EDA: variants seen among roughly 807,000 people sequenced by gnomAD.
The protein encoded by EDA is ectodysplasin-A.
A neutral mutation model predicts 23.6 loss-of-function variants in EDA; 2 were observed. That is an observed-to-expected ratio of 0.08 (90% confidence interval 0.03 to 0.27). The LOEUF (loss-of-function observed/expected upper bound fraction) is 0.27, where lower values mean the gene tolerates loss of function less well. EDA is among the 10% of genes least tolerant of loss of function. EDA has a pLI of 1.00. For synonymous variants in EDA, 131 were observed against 132.0 expected, an observed-to-expected ratio of 0.99 and a Z score of 0.05; for missense variants, 229 against 324.2, an observed-to-expected ratio of 0.71 and a Z score of 2.26.
chrX:69,617,091 A>G (rs1431228161), intron 1 of EDA: 1 of 316,478 alleles, frequency 3.2e-6, no homozygotes. Context: ...TCTAGAGCTG[A>G]TGCCAGAACC....
intron 1 of EDA, among the ~76,000 whole-genome samples, chrX:69,701,595 C>T (rs1324717889): frequency 9.0e-6 from 1 of 111,630 alleles, no homozygotes; most frequent in Admixed American, 9.5e-5. Flanking sequence ...TGAGGGCCAC[C>T]GTCAAGCTTC....
At chrX:69,788,470 G>T (rs2015277392) in intron 1 of EDA, among the ~76,000 whole-genome samples, 1 of 111,833 alleles carries the variant, frequency 8.9e-6, no homozygotes, top group South Asian at 3.7e-4. Flanking sequence ...ATGGGTTTTT[G>T]GTGTGGCTGT....
intron 1 of EDA, among the ~76,000 whole-genome samples, chrX:69,733,649 G>T (rs1347478223): frequency 9.0e-6 from 1 of 111,539 alleles, no homozygotes; most frequent in Non-Finnish European, 1.9e-5. Context: ...AAAGTCATTG[G>T]TAACTTGATG....
chrX:69,703,518 T>A (rs764194266), intron 1 of EDA, among the ~76,000 whole-genome samples: 2 of 112,484 alleles, frequency 1.8e-5, no homozygotes, highest in East Asian at 5.6e-4. Flanking sequence ...AGCAATACGC[T>A]GTTTTAATGA....
chrX:69,636,510 C>T (rs1340275253), intron 1 of EDA, among the ~76,000 whole-genome samples: 1 of 109,863 alleles, frequency 9.1e-6, no homozygotes, highest in Non-Finnish European at 1.9e-5. Flanking sequence ...ACTTGTCTAC[C>T]TTATCTAGTA....
intron 1 of EDA, among the ~76,000 whole-genome samples, chrX:69,941,047 A>G (rs996557749): frequency 4.5e-5 from 5 of 111,503 alleles, no homozygotes; most frequent in African/African-American, 1.6e-4. Context: ...ATTCAGGAGT[A>G]TATTGTTTAA....
chrX:69,948,509 C>T (rs1435173644), intron 1 of EDA, among the ~76,000 whole-genome samples: 1 of 111,823 alleles, frequency 8.9e-6, no homozygotes, highest in Admixed American at 9.4e-5. Flanking sequence ...GCTGCCACCA[C>T]CACCCCCACC....
chrX:69,624,891 C>A (rs1281322360), intron 1 of EDA, among the ~76,000 whole-genome samples: 1 of 109,725 alleles, frequency 9.1e-6, no homozygotes, highest in Non-Finnish European at 1.9e-5. Flanking sequence ...TTTTATCCTG[C>A]ATTTTGGCTT....
rs939029125 is a variant in EDA, at chrX:69,803,989, T to C, written c.397-153038T>C. ...CCATGTTGCCACAAATGACAGGATT[T>C]TCATTCTTTTTTATGGATGAGTAGT... is the stretch of plus-strand genomic sequence containing the variant. On this transcript the variant is annotated intron_variant, in intron 1 of 7. Coordinates refer to ENST00000374552, the MANE Select transcript of EDA (RefSeq NM_001399.5). Among the ~76,000 whole-genome samples the C allele has an allele frequency of 4.5e-5, 5 of 111,159 alleles. No homozygotes were observed. In the Admixed American group the frequency reaches 4.8e-4, roughly 11 times the overall value.
At chrX:69,676,894 T>A (rs1934108928) in intron 1 of EDA, among the ~76,000 whole-genome samples, 1 of 107,262 alleles carries the variant, frequency 9.3e-6, no homozygotes, top group Non-Finnish European at 1.9e-5. Flanking sequence ...TAGTTACATA[T>A]GTATACATGT....
intron 1 of EDA, among the ~76,000 whole-genome samples, chrX:69,748,954 A>T (rs1030170349): frequency 9.1e-6 from 1 of 110,171 alleles, no homozygotes; most frequent in Non-Finnish European, 1.9e-5. Flanking sequence ...TTTTTTAATT[A>T]TACTTTAAGT....
intron 1 of EDA, among the ~76,000 whole-genome samples, chrX:69,741,364 T>C (rs751502725): frequency 8.9e-6 from 1 of 111,767 alleles, no homozygotes; most frequent in South Asian, 3.8e-4. Flanking sequence ...GATTTGTTGT[T>C]ATTGTTTGCT....
chrX:69,764,495 TC>T (rs1287725078), intron 1 of EDA, among the ~76,000 whole-genome samples: 1 of 108,879 alleles, frequency 9.2e-6, no homozygotes, highest in African/African-American at 3.3e-5. Context: ...CACCCGCCTC[TC>T]CCTCCCAAAG....
intron 1 of EDA, among the ~76,000 whole-genome samples, chrX:69,703,415 C>T (rs146058686): frequency 0.014 from 1,554 of 111,924 alleles, 20 homozygotes; most frequent in African/African-American, 0.046. Context: ...GGACATACAC[C>T]GGAGCCCCTC....
intron 1 of EDA, among the ~76,000 whole-genome samples, chrX:69,712,135 GC>G (rs779930688): frequency 5.4e-4 from 60 of 110,375 alleles, no homozygotes; most frequent in African/African-American, 1.5e-3. Context: ...GGCATTTAGT[GC>G]TGTAAATTTC....
chrX:69,856,039 AC>A (rs1180218512), intron 1 of EDA, among the ~76,000 whole-genome samples: 1 of 108,772 alleles, frequency 9.2e-6, no homozygotes, highest in African/African-American at 3.4e-5. Context: ...TTTATCCCTC[AC>A]CCCTCTCCCA....
chrX:69,886,385 G>A (rs987580859), intron 1 of EDA, among the ~76,000 whole-genome samples: 40 of 111,336 alleles, frequency 3.6e-4, no homozygotes, highest in Non-Finnish European at 1.1e-4. Flanking sequence ...TAGTCTGATA[G>A]CAGGACTGCC....
chrX:69,806,988 C>A (rs1255058639), intron 1 of EDA, among the ~76,000 whole-genome samples: 2 of 111,033 alleles, frequency 1.8e-5, no homozygotes, highest in Non-Finnish European at 3.8e-5. Flanking sequence ...TTACTTTGGA[C>A]TTTATGAAAA....
intron 1 of EDA, among the ~76,000 whole-genome samples, chrX:69,839,511 T>C (rs1252494246): frequency 8.9e-6 from 1 of 112,545 alleles, no homozygotes; most frequent in Non-Finnish European, 1.9e-5. Context: ...CACCATAATA[T>C]GCACTTACTC....
Sources: gnomAD v4.1 joint callset for allele counts (sites outside exome capture counted in the v4.1 genomes callset) on GRCh38, gnomAD v4.1.1 for gene constraint, MANE v1.5 for transcripts, NCBI Gene and HGNC (gene_info 2026-07-23, HGNC 2026-07-21) for gene names.